Variants in CFAP47 observed in about 807,000 individuals in gnomAD.
CFAP47 encodes cilia- and flagella-associated protein 47.
In CFAP47, 29 loss-of-function variants were observed where a neutral mutation model predicts 148.1. The ratio of observed to expected loss-of-function variants is 0.20; its 90% CI spans 0.15 to 0.27. The LOEUF is 0.27. Ranked by LOEUF, CFAP47 falls within the 10% of genes least tolerant of loss-of-function variation. CFAP47 has a pLI of 1.00. For synonymous variants in CFAP47, 664 were observed against 577.3 expected (o/e 1.15, Z -2.15); for missense variants, 1,872 against 1,697.5 (o/e 1.10, Z -1.81).
chrX:36,150,155 A>G (rs73197155), intron 37 of CFAP47, among the ~76,000 whole-genome samples: 12,274 of 110,652 alleles, frequency 0.11, 743 homozygotes, highest in Middle Eastern at 0.19. Flanking sequence ...TGATAATGTT[A>G]TATGTGTCAT....
chrX:36,111,257 C>G (rs758114536), intron 33 of CFAP47, among the ~76,000 whole-genome samples: 18 of 111,328 alleles, frequency 1.6e-4, no homozygotes. Context: ...AGAGCTCTTA[C>G]TATTTTGAGG....
chrX:36,255,901 A>G (rs1218629213), intron 49 of CFAP47, among the ~76,000 whole-genome samples: 2 of 111,912 alleles, frequency 1.8e-5, no homozygotes, highest in African/African-American at 6.5e-5. Flanking sequence ...AAAAATGACA[A>G]TATAGAATAA....
intron 15 of CFAP47, among the ~76,000 whole-genome samples, chrX:35,978,989 A>AT (rs758216570): frequency 9.0e-6 from 1 of 111,120 alleles, no homozygotes; most frequent in East Asian, 2.8e-4. Flanking sequence ...CTTTTTTATT[A>AT]TTTTTGAGAC....
At position 36,214,442 on chromosome X, in the gene CFAP47, AT is replaced by A. The variant is rs1244906527; in HGVS notation, c.6817+9339del. ...CTGATACTTAGGCTACACTAAATTTATTTTTTTAATTTTATATAATAAATTA... is the reference window on the plus strand; with the variant it reads ...CTGATACTTAGGCTACACTAAATTTATTTTTTAATTTTATATAATAAATTA... On this transcript the variant is annotated intron_variant, in intron 45 of 63. Coordinates refer to ENST00000378653, the MANE Select transcript of CFAP47 (RefSeq NM_001304548.2). 2.7e-5 allele frequency among the ~76,000 whole-genome samples: 3 copies of A among 110,473 alleles called. No individual in the cohort carries two copies. The East Asian group carries it at 8.5e-4, about 31-fold the overall frequency.
chrX:36,026,423 A>AT (rs1370892008), intron 22 of CFAP47, among the ~76,000 whole-genome samples: 1 of 111,488 alleles, frequency 9.0e-6, no homozygotes, highest in African/African-American at 3.3e-5. Flanking sequence ...ACACAGTTAC[A>AT]TTTTTTGGTG....
In CFAP47 at chrX:36,199,553, C is replaced by T. The variant is rs1939954380; in HGVS notation, c.6322-826C>T. Among the ~76,000 whole-genome samples the T allele has an allele frequency of 2.7e-5, 3 of 111,815 alleles. No individual in the cohort carries two copies. In the South Asian group the frequency reaches 1.1e-3, roughly 41 times the overall value. Reference sequence around the variant, plus strand: ...CTTCCAGGTCGCCTTGGGTAGTGCTCCCTTCATTCTTTGTTACAAACAGAT... The same window carrying T: ...CTTCCAGGTCGCCTTGGGTAGTGCTTCCTTCATTCTTTGTTACAAACAGAT... On this transcript the variant is annotated intron_variant, in intron 42 of 63. Coordinates refer to ENST00000378653, the MANE Select transcript of CFAP47 (RefSeq NM_001304548.2).
At chrX:36,114,855 A>G (rs1384673163) in intron 33 of CFAP47, among the ~76,000 whole-genome samples, 1 of 111,635 alleles carries the variant, frequency 9.0e-6, no homozygotes, top group Non-Finnish European at 1.9e-5. Context: ...CAGCAGCACG[A>G]TGGGGTGCAT....
intron 6 of CFAP47, among the ~76,000 whole-genome samples, chrX:35,952,268 C>G (rs776831798): frequency 1.8e-5 from 2 of 111,602 alleles, no homozygotes; most frequent in Non-Finnish European, 3.8e-5. Flanking sequence ...CAGTCAAGAC[C>G]TTGTTGTCCC....
Position 36,348,259 on chromosome X carries a change from T to C in CFAP47, c.8574T>C (p.Asn2858=). ...ATGGAAAATATTGGCCTATTGACAA[T>C]TTTGATGAGTTGGATATAAAATTTA... ...KANGKYWPID[N]FDELDIKFKS... Residue 2858 remains asparagine (N), a synonymous_variant, in exon 58 of 64, where the codon AAT becomes AAC. Transcript: ENST00000378653. 1 of 1,030,251 alleles carries C rather than the reference T, an allele frequency of 9.7e-7. No homozygotes were observed. The allele number at this position is 1,030,251 out of a possible 1,213,427, so 84.9% of individuals were successfully genotyped here.
intron 49 of CFAP47, among the ~76,000 whole-genome samples, chrX:36,261,007 A>G (rs950183645): frequency 1.8e-5 from 2 of 111,001 alleles, no homozygotes; most frequent in Non-Finnish European, 3.8e-5. Context: ...CAAAGATCAG[A>G]TAGCTGTAGG....
intron 8 of CFAP47, among the ~76,000 whole-genome samples, chrX:35,958,319 T>C (rs1007625809): frequency 8.9e-6 from 1 of 111,869 alleles, no homozygotes; most frequent in Non-Finnish European, 1.9e-5. Flanking sequence ...TTGGCTGTAA[T>C]GAATGATGCT....
chrX:35,983,743 T>A (rs1936677499), intron 15 of CFAP47, among the ~76,000 whole-genome samples: 1 of 112,075 alleles, frequency 8.9e-6, no homozygotes, highest in African/African-American at 3.2e-5. Context: ...TTGTTAGTTA[T>A]ATTTATGTGA....
At chrX:35,935,638 C>G (rs748960567) in intron 2 of CFAP47, among the ~76,000 whole-genome samples, 1 of 106,788 alleles carries the variant, frequency 9.4e-6, no homozygotes, top group African/African-American at 3.5e-5. Context: ...ATAGGTGGAG[C>G]CTTCTTCCTC....
intron 26 of CFAP47, among the ~76,000 whole-genome samples, chrX:36,048,515 A>T: frequency 9.0e-6 from 1 of 111,336 alleles, no homozygotes; most frequent in Non-Finnish European, 1.9e-5. Context: ...TTGGCTTTTA[A>T]TTTTGTTTTC....
At chrX:35,992,883 C>T (rs185406948) in intron 17 of CFAP47, among the ~76,000 whole-genome samples, 71 of 110,660 alleles carry the variant, frequency 6.4e-4, no homozygotes, top group Non-Finnish European at 1.1e-3. Context: ...GTCATCTTCT[C>T]GAACAGAAAT....
At chrX:36,135,611 T>C (rs1376925944) in intron 33 of CFAP47, among the ~76,000 whole-genome samples, 1 of 112,013 alleles carries the variant, frequency 8.9e-6, no homozygotes, top group East Asian at 2.8e-4. Context: ...GTGAAGTTAT[T>C]GAGATTAAAA....
intron 25 of CFAP47, among the ~76,000 whole-genome samples, chrX:36,042,705 T>G (rs1207096359): frequency 8.9e-6 from 1 of 111,766 alleles, no homozygotes; most frequent in African/African-American, 3.2e-5. Context: ...CCGATATTCA[T>G]GGATTGGAAT....
intron 38 of CFAP47, 50 bp from the exon 39 acceptor site, chrX:36,160,631 G>C: frequency 3.5e-6 from 1 of 287,437 alleles, no homozygotes; most frequent in Non-Finnish European, 6.1e-6. Context: ...AATTCAGAAA[G>C]TTCATTTTTT....
At chrX:36,235,588 C>T (rs1449016965) in intron 46 of CFAP47, among the ~76,000 whole-genome samples, 4 of 112,545 alleles carry the variant, frequency 3.6e-5, no homozygotes, top group Admixed American at 1.9e-4. Context: ...GGCAATGCCT[C>T]GCCCTGCTTC....
Sources: allele counts gnomAD v4.1 joint callset (sites outside exome capture counted in the v4.1 genomes callset), GRCh38; gene constraint gnomAD v4.1.1; transcripts MANE v1.5; gene names NCBI Gene and HGNC (gene_info 2026-07-23, HGNC 2026-07-21).